Variants in SLC4A3 observed in about 807,000 individuals in gnomAD.
SLC4A3 encodes anion exchange protein 3.
Under a neutral mutation model 114.2 loss-of-function variants are expected in SLC4A3, and 47 were observed. The ratio of observed to expected loss-of-function variants is 0.41; its 90% CI spans 0.33 to 0.52. SLC4A3 has a LOEUF of 0.52. SLC4A3 is among the 20% of genes least tolerant of loss of function. SLC4A3 has a pLI of 0.21. For missense variants in SLC4A3, 1,312 were observed against 1,668.3 expected, an observed-to-expected ratio of 0.79 and a Z score of 3.72; for synonymous variants, 693 against 710.3, an observed-to-expected ratio of 0.98 and a Z score of 0.39.
chr2:219,628,187 G>T lies in SLC4A3; in HGVS notation c.51+144G>T, dbSNP rs1489094523. On this transcript the variant is annotated intron_variant, in intron 2 of 22. Transcript: ENST00000358055. The surrounding 1 kb of genome is among the most constrained non-coding windows in gnomAD (Gnocchi z 4.8). ...CTGGGGGTTACGGAGAAAGAGGGGG[G>T]TTTTTGATATTTTCCAGATCCGTAG... is the stretch of plus-strand genomic sequence containing the variant. 3.3e-5 allele frequency: 27 copies of T among 820,510 alleles called. No homozygotes were observed. Among genetic ancestry groups the T allele is most frequent in the South Asian group, 1.5e-4 (8 of 53,462 alleles). The allele number at this position is 820,510 out of a possible 1,614,324, so 50.8% of individuals were successfully genotyped here.
Position 219,639,546 on chromosome 2 carries a change from C to T in SLC4A3, c.3088C>T (p.Leu1030Phe). 6.2e-7 allele frequency: 1 copy of T among 1,614,122 alleles called. No homozygotes were observed. The change falls in exon 20 of 23, where the codon CTC becomes TTC. Residue 1030 changes from leucine (L) to phenylalanine (F), a missense_variant. Coordinates refer to ENST00000358055, the MANE Select transcript of SLC4A3 (RefSeq NM_005070.4). This position sits in a 1 kb window ranked among gnomAD's most constrained non-coding sequence, Gnocchi z 5.9. ...KGSGFHLDLL[L>F]IGSLGGLCGL... ...CTCCGGTTTCCACCTGGACCTGCTCCTCATTGGCTCCCTGGGGGGGCTCTG... is the reference window on the plus strand; with the variant it reads ...CTCCGGTTTCCACCTGGACCTGCTCTTCATTGGCTCCCTGGGGGGGCTCTG...
intron 12 of SLC4A3, 26 bp from the exon 13 acceptor site, chr2:219,635,245 G>T: frequency 6.2e-7 from 1 of 1,601,888 alleles, no homozygotes; most frequent in South Asian, 1.1e-5. Context: ...TGTCCCTGAG[G>T]GTCCTGGCCC....
chr2:219,636,862 C>T lies in SLC4A3; in HGVS notation c.2523C>T (p.Tyr841=), dbSNP rs765708443. The change falls in exon 16 of 23, where the codon TAC becomes TAT. Residue 841 remains tyrosine, a synonymous_variant. Coordinates refer to ENST00000358055, the MANE Select transcript of SLC4A3 (RefSeq NM_005070.4). This position sits in a 1 kb window ranked among gnomAD's most constrained non-coding sequence, Gnocchi z 5.5. ...TCATTTTCATCTACGAGACCTTCTACAAGCTCTACAAGGTGGAGGTCCAGC... is the reference window on the plus strand; with the variant it reads ...TCATTTTCATCTACGAGACCTTCTATAAGCTCTACAAGGTGGAGGTCCAGC... ...ISLIFIYETF[Y]KLYKVFTEHP... 6.2e-7 allele frequency: 1 copy of T among 1,613,584 alleles called. No individual in the cohort carries two copies. Among genetic ancestry groups the T allele is most frequent in the Non-Finnish European group, 8.5e-7 (1 of 1,179,638 alleles).
In SLC4A3 at chr2:219,635,708, C is replaced by T; in HGVS notation, c.2008C>T (p.Pro670Ser). 1 of 1,593,038 alleles carries T rather than the reference C, an allele frequency of 6.3e-7. No individual in the cohort carries two copies. The highest frequency in any genetic ancestry group is 1.9e-5 in the Admixed American group (1 of 53,544). Reference sequence around the variant, plus strand: ...GGAGTTGGGGGGCTCTGAGGCAACCCCTGAAGATGACCCCTTGCTGCGGAC... The same window carrying T: ...GGAGTTGGGGGGCTCTGAGGCAACCTCTGAAGATGACCCCTTGCTGCGGAC... ...SLELGGSEAT[P>S]EDDPLLRTGS... The change falls in exon 14 of 23, where the codon CCT becomes TCT. Residue 670 changes from proline to serine, a missense_variant. Transcript: ENST00000358055.
At position 219,628,377 on chromosome 2, in the gene SLC4A3, C is replaced by T. The variant is rs771875705; in HGVS notation, c.52-28C>T. On this transcript the variant is annotated intron_variant, in intron 2 of 22. Transcript: ENST00000358055. The surrounding 1 kb of genome is among the most constrained non-coding windows in gnomAD (Gnocchi z 4.8). ...TGTGGGGCCTTCATGGGTCAGGGGT[C>T]CTTAGCAGAGGCCGTCTGGGCCTGC... 4 of 1,589,340 alleles carry T rather than the reference C, an allele frequency of 2.5e-6. No individual in the cohort carries two copies. The highest frequency in any genetic ancestry group is 3.4e-6 in the Non-Finnish European group (4 of 1,169,500).
chr2:219,633,676 A>C (rs530504495), intron 10 of SLC4A3, among the ~76,000 whole-genome samples: 1 of 152,214 alleles, frequency 6.6e-6, no homozygotes, highest in Non-Finnish European at 1.5e-5. Context: ...CTGTTTAAAC[A>C]AGATAAGGCT....
rs61729100 is a variant in SLC4A3 at position 219,637,685 on chromosome 2, C to T, written c.2640C>T (p.Thr880=). 1.2e-3 allele frequency: 1,866 copies of T among 1,611,890 alleles called. 16 individuals carry two copies. In the African/African-American group the frequency reaches 0.019, roughly 16 times the overall value. ...CAAATGGCAGTGCCCTGCCCCCCAC[C>T]GAGGGCCCCCCCAGCCCGAGGAACC... The part of the protein sequence containing the change: ...LEPNGSALPP[T]EGPPSPRNQP... Residue 880 remains threonine (T), a synonymous_variant, in exon 17 of 23, where the codon ACC becomes ACT. Coordinates refer to ENST00000358055, the MANE Select transcript of SLC4A3 (RefSeq NM_005070.4). This position sits in a 1 kb window ranked among gnomAD's most constrained non-coding sequence, Gnocchi z 4.6.
intron 11 of SLC4A3, 69 bp from the exon 12 acceptor site, chr2:219,634,351 A>ATAGC: frequency 1.3e-6 from 2 of 1,508,708 alleles, no homozygotes; most frequent in Admixed American, 3.5e-5. Flanking sequence ...ATAGCCCTAG[A>ATAGC]TAGCTGCCCC....
Position 219,634,443 on chromosome 2 carries a change from C to G in SLC4A3, c.1585C>G (p.Pro529Ala). ...LVGCVPFLEQ[P>A]AAAFVRLNEA... ...AGGTTGTGTGCCTTTCTTGGAGCAG[C>G]CTGCAGCAGCCTTCGTGCGTCTGAA... The change falls in exon 12 of 23, where the codon CCT (proline) becomes GCT (alanine). Residue 529 changes from proline to alanine, a missense_variant. Physicochemically the swap from Pro to Ala is conservative, Grantham distance 27 (BLOSUM62 -1). This residue lies in a region of SLC4A3 where 771 missense variants were observed against 977.7 expected (regional missense o/e 0.79). Coordinates refer to ENST00000358055, the MANE Select transcript of SLC4A3 (RefSeq NM_005070.4). The G allele has an allele frequency of 3.7e-6, 6 of 1,614,150 alleles. No individual in the cohort carries two copies. Among genetic ancestry groups the G allele is most frequent in the Non-Finnish European group, 5.1e-6 (6 of 1,180,020 alleles).
chr2:219,633,497 G>C, intron 10 of SLC4A3, 40 bp downstream of exon 10: 1 of 1,472,378 alleles, frequency 6.8e-7, no homozygotes, highest in Non-Finnish European at 9.0e-7. Context: ...GGGACTGAGA[G>C]GGTGTCCAGT....
chr2:219,629,886 G>GC (rs1553549761), intron 5 of SLC4A3, among the ~76,000 whole-genome samples, 191 bp downstream of exon 5: 13 of 144,152 alleles, frequency 9.0e-5, no homozygotes, highest in African/African-American at 3.4e-4. Flanking sequence ...AGAACAAGGG[G>GC]GGGGGGAGAA....
rs201680260 is a variant in SLC4A3 at position 219,635,482 on chromosome 2, C to T, written c.1958C>T (p.Thr653Met). The change falls in exon 13 of 23, where the codon ACG becomes ATG. Residue 653 changes from threonine to methionine, a missense_variant. Transcript: ENST00000358055. ...GAGATGACCACACGGGGTGGCTACACGGCCCCTGGGAAAGGTCAGACCCTT... is the reference window on the plus strand; with the variant it reads ...GAGATGACCACACGGGGTGGCTACATGGCCCCTGGGAAAGGTCAGACCCTT... Reference protein sequence around the residue: ...KVEMTTRGGYTAPGKELSLEL... With the variant: ...KVEMTTRGGYMAPGKELSLEL... The T allele has an allele frequency of 1.0e-4, 165 of 1,610,512 alleles. No individual in the cohort carries two copies. Among genetic ancestry groups the T allele is most frequent in the South Asian group, 3.4e-4 (31 of 90,544 alleles).
chr2:219,633,088 C>A, intron 9 of SLC4A3, 79 bp downstream of exon 9: 2 of 1,544,090 alleles, frequency 1.3e-6, no homozygotes, highest in Non-Finnish European at 1.8e-6. Context: ...AAGTGGCTCC[C>A]AGCCTCTGCT....
chr2:219,634,555 C>A lies in SLC4A3; in HGVS notation c.1697C>A (p.Thr566Asn). The change falls in exon 12 of 23, where the codon ACT (threonine) becomes AAT (asparagine). Residue 566 changes from threonine to asparagine, a missense_variant. Thr to Asn is a moderately conservative substitution (Grantham distance 65, BLOSUM62 0). Around this residue, in one of 4 missense-constraint regions of SLC4A3, gnomAD observed 771 missense variants for 977.7 expected, o/e 0.79. Transcript: ENST00000358055. The part of the protein sequence containing the change: ...FVMLGPSHTS[T>N]DYHELGRSIA... ...ATGCTGGGGCCCAGCCACACCAGCACTGACTATCACGAGCTTGGGCGCTCC... is the reference window on the plus strand; with the variant it reads ...ATGCTGGGGCCCAGCCACACCAGCAATGACTATCACGAGCTTGGGCGCTCC... The A allele has an allele frequency of 6.2e-6, 10 of 1,614,246 alleles. No individual in the cohort carries two copies. Among genetic ancestry groups the A allele is most frequent in the Non-Finnish European group, 8.5e-6 (10 of 1,180,042 alleles).
At position 219,639,431 on chromosome 2, in the gene SLC4A3, C is replaced by T. The variant is rs758014202; in HGVS notation, c.3024-51C>T. 2.5e-6 allele frequency: 4 copies of T among 1,589,936 alleles called. No individual in the cohort carries two copies. Among genetic ancestry groups the T allele is most frequent in the African/African-American group, 1.3e-5 (1 of 74,638 alleles). On this transcript the variant is annotated intron_variant, in intron 19 of 22. Transcript: ENST00000358055. The surrounding 1 kb of genome is among the most constrained non-coding windows in gnomAD (Gnocchi z 5.9). ...CTCTGTGTGCGTGCCTGTCTTTGTC[C>T]CCTGCCCCTGCCAGGCCAGCCACAC...
At position 219,632,437 on chromosome 2, in the gene SLC4A3, C is replaced by T; in HGVS notation, c.1136C>T (p.Ala379Val). ...CTTCTGGAGCTCAGGAGGACCATCG[C>T]CCATGGTAGGGACCCCCAGGCCTGG... ...RSLLELRRTI[A>V]HGAALLDLEQ... The change falls in exon 8 of 23, where the codon GCC becomes GTC. Residue 379 changes from alanine (A) to valine (V), a missense_variant. Ala to Val is a moderately conservative substitution (Grantham distance 64, BLOSUM62 0). Coordinates refer to ENST00000358055, the MANE Select transcript of SLC4A3 (RefSeq NM_005070.4). 6.3e-7 allele frequency: 1 copy of T among 1,590,318 alleles called. No homozygotes were observed. The highest frequency in any genetic ancestry group is 8.6e-7 in the Non-Finnish European group (1 of 1,168,116).
chr2:219,628,439 C>T lies in SLC4A3; in HGVS notation c.86C>T (p.Pro29Leu), dbSNP rs767756099. ...RVPLEEPPLS[P>L]DVEEEDDDLG... ...CCCTTGGAGGAGCCCCCTCTAAGTC[C>T]AGACGTGGAGGAGGAGGACGATGAC... Residue 29 changes from proline to leucine, a missense_variant, in exon 3 of 23, where the codon CCA (proline) becomes CTA (leucine). Transcript: ENST00000358055. This position sits in a 1 kb window ranked among gnomAD's most constrained non-coding sequence, Gnocchi z 4.8. 4 of 1,613,294 alleles carry T rather than the reference C, an allele frequency of 2.5e-6. No individual in the cohort carries two copies. In the African/African-American group the frequency reaches 4.0e-5, roughly 16 times the overall value.
At position 219,628,426 on chromosome 2, in the gene SLC4A3, C is replaced by A; in HGVS notation, c.73C>A (p.Pro25Thr). The change falls in exon 3 of 23, where the codon CCC (proline) becomes ACC (threonine). Residue 25 changes from proline to threonine, a missense_variant. Transcript: ENST00000358055. The surrounding 1 kb of genome is among the most constrained non-coding windows in gnomAD (Gnocchi z 4.8). ...GCAGGTCCGGGTGCCCTTGGAGGAG[C>A]CCCCTCTAAGTCCAGACGTGGAGGA... ...LPQVRVPLEE[P>T]PLSPDVEEED... 5 of 1,612,590 alleles carry A rather than the reference C, an allele frequency of 3.1e-6. No homozygotes were observed. Among genetic ancestry groups the A allele is most frequent in the Non-Finnish European group, 4.2e-6 (5 of 1,179,490 alleles).
Position 219,628,004 on chromosome 2 carries a change from A to G in SLC4A3, c.12A>G (p.Gly4=), listed in dbSNP as rs1318738266. The change falls in exon 2 of 23, where the codon GGA becomes GGG. Residue 4 remains glycine, a synonymous_variant. Transcript: ENST00000358055. The surrounding 1 kb of genome is among the most constrained non-coding windows in gnomAD (Gnocchi z 4.8). ...CCGCCTACCTGGCCATGGCCAACGG[A>G]GTGATCCCGCCGCCCGGGGGCGCCT... The part of the protein sequence containing the change: MAN[G]VIPPPGGASP... 6.3e-7 allele frequency: 1 copy of G among 1,595,454 alleles called. No homozygotes were observed. Among genetic ancestry groups the G allele is most frequent in the Non-Finnish European group, 8.5e-7 (1 of 1,172,660 alleles).
Sources: gnomAD v4.1 joint callset for allele counts (sites outside exome capture counted in the v4.1 genomes callset) on GRCh38, gnomAD v4.1.1 for gene constraint, gnomAD v4.1.1 regional missense constraint, Gnocchi (gnomAD v3.1) non-coding constraint, MANE v1.5 for transcripts, NCBI Gene and HGNC (gene_info 2026-07-23, HGNC 2026-07-21) for gene names.